The following KIAA1958 variants were observed in gnomAD, a reference collection of about 807,000 sequenced individuals.
The protein encoded by KIAA1958 is uncharacterized protein KIAA1958.
A neutral mutation model predicts 47.2 loss-of-function variants in KIAA1958; 14 were observed. The ratio of observed to expected loss-of-function variants is 0.30; its 90% CI spans 0.20 to 0.46. The LOEUF (loss-of-function observed/expected upper bound fraction) is 0.46, where lower values mean the gene tolerates loss of function less well. Among genes scored for constraint, KIAA1958 ranks in the 20% least tolerant of loss-of-function variants. The pLI is 1.00. For missense variants in KIAA1958, 803 were observed against 909.2 expected, an observed-to-expected ratio of 0.88 and a Z score of 1.50; for synonymous variants, 354 against 353.3, an observed-to-expected ratio of 1.00 and a Z score of -0.02.
rs78677789 is a variant in KIAA1958, at chr9:112,594,679, T to G, written c.1171+19428T>G. 9.6e-3 allele frequency among the ~76,000 whole-genome samples: 1,463 copies of G among 152,340 alleles called. 11 individuals carry two copies. The highest frequency in any genetic ancestry group is 0.034 in the Middle Eastern group (10 of 294). On this transcript the variant is annotated intron_variant, in intron 2 of 3. Transcript: ENST00000337530. The stretch of plus-strand genomic sequence containing the variant: ...CATTTTGGCTATTATGAATAATGCT[T>G]TGCTATGAATAGTCATATACAGGCT...
intron 2 of KIAA1958, among the ~76,000 whole-genome samples, chr9:112,606,379 A>G (rs1237860155): frequency 6.6e-6 from 1 of 152,206 alleles, no homozygotes; most frequent in Non-Finnish European, 1.5e-5. Context: ...CTTAGAAAAA[A>G]AAATTTGTAC....
intron 1 of KIAA1958, among the ~76,000 whole-genome samples, chr9:112,523,023 C>T (rs531086041): frequency 6.6e-6 from 1 of 152,124 alleles, no homozygotes; most frequent in South Asian, 2.1e-4. Context: ...CAGGGCTATG[C>T]GATGACAACT....
At chr9:112,593,458 G>T (rs577371656) in intron 2 of KIAA1958, among the ~76,000 whole-genome samples, 135 of 152,362 alleles carry the variant, frequency 8.9e-4, no homozygotes, top group Non-Finnish European at 1.7e-3. Flanking sequence ...GGGGGGCTTA[G>T]ATTACTGGTC....
intron 2 of KIAA1958, among the ~76,000 whole-genome samples, chr9:112,591,567 A>T (rs920510879): frequency 1.3e-5 from 2 of 151,984 alleles, no homozygotes; most frequent in African/African-American, 4.8e-5. Context: ...TAAGGAATGT[A>T]ACTGTCATGT....
intron 1 of KIAA1958, among the ~76,000 whole-genome samples, chr9:112,546,798 A>C (rs1835042287): frequency 6.6e-6 from 1 of 152,086 alleles, no homozygotes; most frequent in Non-Finnish European, 1.5e-5. Context: ...GTGTAATTTA[A>C]TCATGGTTAT....
At chr9:112,637,883 T>C (rs1162681998) in intron 2 of KIAA1958, among the ~76,000 whole-genome samples, 1 of 151,768 alleles carries the variant, frequency 6.6e-6, no homozygotes, top group African/African-American at 2.4e-5. Context: ...GCGCGGTGGC[T>C]CACACCTGTA....
Position 112,663,754 on chromosome 9 carries a change from C to T in KIAA1958, c.*3685C>T, listed in dbSNP as rs1588059298. On this transcript the variant is annotated 3_prime_UTR_variant, in exon 4 of 4. Transcript: ENST00000337530. The stretch of plus-strand genomic sequence containing the variant: ...GGTCATGTGGCATTTTCCAGCTTTC[C>T]TTGGATTTTATGCTACATTAATTTG... The T allele has an allele frequency of 6.6e-6, 1 of 152,338 alleles. No homozygotes were observed. Among genetic ancestry groups the T allele is most frequent in the African/African-American group, 2.4e-5 (1 of 41,580 alleles). The allele number at this position is 152,338 out of a possible 1,614,324, so 9.4% of individuals were successfully genotyped here.
chr9:112,492,486 G>T (rs1587986487), intron 1 of KIAA1958, among the ~76,000 whole-genome samples: 1 of 152,264 alleles, frequency 6.6e-6, no homozygotes, highest in African/African-American at 2.4e-5. Context: ...GAGGAATACA[G>T]TTCAGCCTAT....
At position 112,513,004 on chromosome 9, in the gene KIAA1958, A is replaced by ATT. The variant is rs34446189; in HGVS notation, c.-25+25903_-25+25904dup. ...AGGCGCCCGCCACCATGCCCAGCTA[A>ATT]TTTTTTTTTTTTTTTTTTGAGATGG... On this transcript the variant is annotated intron_variant, in intron 1 of 3. Transcript: ENST00000337530. Among the ~76,000 whole-genome samples the ATT allele has an allele frequency of 6.7e-4, 70 of 104,544 alleles. 1 individual carries two copies. The highest frequency in any genetic ancestry group is 4.5e-3 in the Middle Eastern group (1 of 220). 68.6% of individuals were successfully genotyped at this position (104,544 alleles called of 152,430 possible).
Position 112,618,824 on chromosome 9 carries a change from A to C in KIAA1958, c.1172-26826A>C. The C allele has an allele frequency of 6.4e-7, 1 of 1,550,576 alleles. No homozygotes were observed. The highest frequency in any genetic ancestry group is 1.2e-5 in the South Asian group (1 of 84,056). ...GCTCGTGCTGATCTGTAACAATCTG[A>C]GCCAGCAGGCTGCCCAGTCAGTGGC... On this transcript the variant is annotated intron_variant, in intron 2 of 3. Transcript: ENST00000337530. The surrounding 1 kb of genome is among the most constrained non-coding windows in gnomAD (Gnocchi z 7.1).
intron 1 of KIAA1958, among the ~76,000 whole-genome samples, chr9:112,551,198 T>G (rs981108951): frequency 6.6e-6 from 1 of 152,198 alleles, no homozygotes; most frequent in Non-Finnish European, 1.5e-5. Context: ...TAACTATCAC[T>G]GTCATCCATC....
chr9:112,526,603 G>T (rs1019507386), intron 1 of KIAA1958, among the ~76,000 whole-genome samples: 1 of 152,196 alleles, frequency 6.6e-6, no homozygotes, highest in Non-Finnish European at 1.5e-5. Flanking sequence ...TGGAGGCTGG[G>T]AAGTCAATAT....
At chr9:112,622,408 C>T (rs778302902) in intron 2 of KIAA1958, among the ~76,000 whole-genome samples, 1 of 152,190 alleles carries the variant, frequency 6.6e-6, no homozygotes, top group African/African-American at 2.4e-5. Flanking sequence ...ATTTGGATGA[C>T]ATAGCTGCAT....
intron 1 of KIAA1958, among the ~76,000 whole-genome samples, chr9:112,551,521 T>C (rs1017714525): frequency 2.6e-5 from 4 of 152,246 alleles, no homozygotes; most frequent in African/African-American, 7.2e-5. Context: ...TAAAAAGTAT[T>C]TTTTAAAAAT....
intron 1 of KIAA1958, among the ~76,000 whole-genome samples, chr9:112,511,981 T>C (rs958719077): frequency 4.6e-5 from 7 of 152,172 alleles, no homozygotes; most frequent in Non-Finnish European, 7.4e-5. Flanking sequence ...CAGGAAGAAA[T>C]AGAAACCTGA....
intron 3 of KIAA1958, among the ~76,000 whole-genome samples, chr9:112,647,000 T>C (rs78314512): frequency 5.9e-5 from 9 of 152,170 alleles, no homozygotes; most frequent in Middle Eastern, 3.2e-3. Context: ...GAGGTCATAG[T>C]TGAAGCCCAA....
At chr9:112,605,591 C>A (rs1361667663) in intron 2 of KIAA1958, among the ~76,000 whole-genome samples, 1 of 152,168 alleles carries the variant, frequency 6.6e-6, no homozygotes, top group African/African-American at 2.4e-5. Flanking sequence ...ACTTTTCTGA[C>A]CAACTAGTTT....
At chr9:112,657,561 C>A (rs774004793) in intron 3 of KIAA1958, among the ~76,000 whole-genome samples, 1 of 151,660 alleles carries the variant, frequency 6.6e-6, no homozygotes, top group African/African-American at 2.4e-5. Context: ...GTTTTCGGTT[C>A]GGTTAATTTT....
At chr9:112,646,895 A>T (rs1836984779) in intron 3 of KIAA1958, among the ~76,000 whole-genome samples, 1 of 152,268 alleles carries the variant, frequency 6.6e-6, no homozygotes, top group Admixed American at 6.5e-5. Flanking sequence ...TCAGATTTGC[A>T]GATGGAAATG....
Sources: allele counts gnomAD v4.1 joint callset (sites outside exome capture counted in the v4.1 genomes callset), GRCh38; gene constraint gnomAD v4.1.1; non-coding constraint Gnocchi (gnomAD v3.1); transcripts MANE v1.5; gene names NCBI Gene and HGNC (gene_info 2026-07-23, HGNC 2026-07-21).